Variants in CPLANE1 observed in about 807,000 individuals in gnomAD.
CPLANE1 encodes the protein ciliogenesis and planar polarity effector 1.
In CPLANE1, 263 loss-of-function variants were observed where a neutral mutation model predicts 362.5. The observed-to-expected ratio is 0.73, with a 90% CI of 0.66 to 0.80. The LOEUF (loss-of-function observed/expected upper bound fraction) is 0.80. CPLANE1 is among the 30% of genes least tolerant of loss of function. The pLI is 0.00. For missense variants in CPLANE1, 3,461 were observed against 3,793.4 expected (o/e 0.91, Z 2.30); for synonymous variants, 1,212 against 1,302.6 (o/e 0.93, Z 1.50).
chr5:37,190,478 TGAGGTAG>T (rs1785226655), intron 21 of CPLANE1, among the ~76,000 whole-genome samples: 2 of 151,396 alleles, frequency 1.3e-5, no homozygotes, highest in South Asian at 4.2e-4. Context: ...CTCAGGAGGC[TGAGGTAG>T]AAGGATCACT....
chr5:37,200,566 G>A (rs942803735), intron 19 of CPLANE1, among the ~76,000 whole-genome samples: 3 of 152,014 alleles, frequency 2.0e-5, no homozygotes, highest in Non-Finnish European at 4.4e-5. Flanking sequence ...GGTAGAAGTC[G>A]CCAATATTGA....
chr5:37,149,322 C>T (rs184583953), intron 42 of CPLANE1, among the ~76,000 whole-genome samples: 43 of 152,218 alleles, frequency 2.8e-4, no homozygotes, highest in African/African-American at 1.0e-3. Flanking sequence ...TATTTGCATA[C>T]AACCTATAGA....
chr5:37,159,666 A>G (rs1220270207), intron 38 of CPLANE1, among the ~76,000 whole-genome samples: 1 of 152,224 alleles, frequency 6.6e-6, no homozygotes, highest in Non-Finnish European at 1.5e-5. Context: ...AATGTAACTC[A>G]TATTGAGTAC....
chr5:37,088,988 T>C, the CPLANE1 span, among the ~76,000 whole-genome samples: 2 of 152,020 alleles, frequency 1.3e-5, no homozygotes, highest in Non-Finnish European at 2.9e-5. Flanking sequence ...ACTGATTTTA[T>C]CATACTGGGT....
intron 8 of CPLANE1, among the ~76,000 whole-genome samples, chr5:37,232,386 T>A (rs1244448433): frequency 6.6e-6 from 1 of 151,472 alleles, no homozygotes; most frequent in African/African-American, 2.4e-5. Context: ...GGCATGGTGG[T>A]GGGCACCTGT....
downstream of CPLANE1, among the ~76,000 whole-genome samples, chr5:37,105,277 A>G (rs193244095): frequency 6.6e-6 from 1 of 152,286 alleles, no homozygotes; most frequent in East Asian, 1.9e-4. Context: ...TCCAGCCTGG[A>G]GAACAAAGTG....
the CPLANE1 span, among the ~76,000 whole-genome samples, chr5:37,096,225 A>T: frequency 6.6e-6 from 1 of 151,336 alleles, no homozygotes; most frequent in African/African-American, 2.4e-5. Flanking sequence ...GGTATAAAAA[A>T]GAATAGAGAA....
chr5:37,243,164 A>C lies in CPLANE1; in HGVS notation c.571-45T>G, dbSNP rs769710187. 6 of 1,076,364 alleles carry C rather than the reference A, an allele frequency of 5.6e-6. No homozygotes were observed. In the African/African-American group the frequency reaches 8.1e-5, roughly 15 times the overall value. 66.7% of individuals were successfully genotyped at this position (1,076,364 alleles called of 1,614,324 possible). On this transcript the variant is annotated intron_variant, in intron 5 of 52. Transcript: ENST00000651892. ...ACTTTAGTATAAAATTAATCTGAAA[A>C]TAAATCAAGATACTAAAATACATAT...
intron 9 of CPLANE1, among the ~76,000 whole-genome samples, chr5:37,230,199 T>A (rs1469446429): frequency 3.1e-5 from 4 of 128,246 alleles, no homozygotes; most frequent in South Asian, 2.5e-4. Context: ...TAAATAAAAC[T>A]AAGAATGAAA....
intron 51 of CPLANE1, 141 bp from the exon 52 acceptor site, chr5:37,108,612 C>G (rs1266400838): frequency 1.0e-5 from 8 of 774,702 alleles, no homozygotes; most frequent in Non-Finnish European, 1.4e-5. Flanking sequence ...GGAAATGGTT[C>G]ACTTTAGAGT....
At chr5:37,247,905 C>G (rs1389293986) in intron 1 of CPLANE1, 160 bp from the exon 2 acceptor site, 7 of 426,910 alleles carry the variant, frequency 1.6e-5, no homozygotes, top group Non-Finnish European at 2.8e-5. Context: ...TCAAGTGATT[C>G]TCCTGCGTTA....
rs1197175701 is a variant in CPLANE1, at chr5:37,195,906, C to T, written c.3763G>A (p.Gly1255Arg). 3 of 1,613,060 alleles carry T rather than the reference C, an allele frequency of 1.9e-6. No individual in the cohort carries two copies. In the African/African-American group the frequency reaches 4.0e-5, roughly 22 times the overall value. The stretch of plus-strand genomic sequence containing the variant: ...TCAAGCTTGTGGTCTCCAGCTGCTC[C>T]AGGTCTAAAAAATGCGATACCTCCT... ...CKGGIAFFRP[G>R]AAGDHKLDEV... Residue 1255 changes from glycine to arginine, a missense_variant, in exon 21 of 53, where the codon GGA becomes AGA. By Grantham distance (125) the Gly-to-Arg change is moderately radical (BLOSUM62 -2). Transcript: ENST00000651892.
intron 6 of CPLANE1, among the ~76,000 whole-genome samples, chr5:37,240,636 C>T (rs1800179281): frequency 2.0e-5 from 3 of 152,140 alleles, no homozygotes; most frequent in Admixed American, 6.5e-5. Context: ...GCCACCTTGA[C>T]CCAGACATCT....
intron 28 of CPLANE1, among the ~76,000 whole-genome samples, 159 bp downstream of exon 28, chr5:37,179,858 C>A (rs1052400554): frequency 6.6e-6 from 1 of 152,034 alleles, no homozygotes; most frequent in African/African-American, 2.4e-5. Flanking sequence ...AGTTAATATG[C>A]TCAATATTTC....
At chr5:37,159,075 C>CTCACT in intron 38 of CPLANE1, among the ~76,000 whole-genome samples, 1 of 141,486 alleles carries the variant, frequency 7.1e-6, no homozygotes. Flanking sequence ...TGAGCCACTG[C>CTCACT]GCCCAGCTAA....
At chr5:37,166,990 T>C (rs1313376497) in intron 35 of CPLANE1, 57 bp downstream of exon 35, 81 of 1,345,298 alleles carry the variant, frequency 6.0e-5, no homozygotes, top group Non-Finnish European at 8.3e-5. Context: ...TGATTATAAA[T>C]AATAATGAAC....
the CPLANE1 span, among the ~76,000 whole-genome samples, chr5:37,095,193 T>C: frequency 2.0e-5 from 3 of 152,126 alleles, no homozygotes; most frequent in East Asian, 1.9e-4. Context: ...AACAAAATAC[T>C]AGCTAACAGA....
At chr5:37,173,709 T>G (rs755310360) in intron 32 of CPLANE1, 46 bp downstream of exon 32, 1 of 1,463,506 alleles carries the variant, frequency 6.8e-7, no homozygotes, top group South Asian at 1.2e-5. Flanking sequence ...AAACCCTACA[T>G]GTACACTATG....
chr5:37,154,459 CT>C (rs35522666), intron 41 of CPLANE1, among the ~76,000 whole-genome samples: 2,031 of 84,554 alleles, frequency 0.024, 44 homozygotes, highest in Non-Finnish European at 0.033. Context: ...TGCAATAGTT[CT>C]TTTTTTTTTT....
Sources: gnomAD v4.1 joint callset for allele counts (sites outside exome capture counted in the v4.1 genomes callset) on GRCh38, gnomAD v4.1.1 for gene constraint, MANE v1.5 for transcripts, NCBI Gene and HGNC (gene_info 2026-07-23, HGNC 2026-07-21) for gene names.